Variants in MCC observed in about 807,000 individuals in gnomAD.
MCC encodes the protein MCC regulator of Wnt signaling pathway, also known as colorectal mutant cancer protein.
MCC carries 90 observed loss-of-function variants against 116.2 expected under a neutral mutation model. That is an observed-to-expected ratio of 0.77 (90% CI 0.65 to 0.92). The LOEUF is 0.92. MCC is among the 40% of genes least tolerant of loss of function. MCC has a pLI of 0.00. For synonymous variants in MCC, 578 were observed against 510.5 expected, an observed-to-expected ratio of 1.13 and a Z score of -1.78; for missense variants, 1,516 against 1,312.2, an observed-to-expected ratio of 1.16 and a Z score of -2.40.
At chr5:113,039,893 A>T (rs1751582337) in intron 17 of MCC, among the ~76,000 whole-genome samples, 1 of 152,182 alleles carries the variant, frequency 6.6e-6, no homozygotes, top group African/African-American at 2.4e-5. Context: ...TCCCTTATTT[A>T]GCTGCCTTTT....
chr5:113,417,462 G>C (rs1270922406), intron 1 of MCC, among the ~76,000 whole-genome samples: 1 of 152,230 alleles, frequency 6.6e-6, no homozygotes, highest in Non-Finnish European at 1.5e-5. Context: ...TAAGAGGTCA[G>C]TGATTTCCCT....
intron 8 of MCC, among the ~76,000 whole-genome samples, chr5:113,093,300 T>C (rs1755770429): frequency 6.6e-6 from 1 of 152,128 alleles, no homozygotes; most frequent in African/African-American, 2.4e-5. Flanking sequence ...CCAGGCATGG[T>C]GGTGCGCACC....
At chr5:113,058,002 G>T (rs1302306267) in intron 14 of MCC, among the ~76,000 whole-genome samples, 2 of 152,088 alleles carry the variant, frequency 1.3e-5, no homozygotes, top group African/African-American at 2.4e-5. Context: ...TGTAAACCTG[G>T]GACACAGGGT....
intron 1 of MCC, among the ~76,000 whole-genome samples, chr5:113,444,792 C>T (rs1008161420): frequency 6.6e-6 from 1 of 152,134 alleles, no homozygotes; most frequent in African/African-American, 2.4e-5. Flanking sequence ...TATTGAAGGC[C>T]TTGCATCAGT....
Position 113,385,045 on chromosome 5 carries a change from G to A in MCC, c.338C>T (p.Ala113Val), listed in dbSNP as rs1769220331. ...EIRKEEVDLS[A>V]KSDNSCTKKL... ...CTTTGTACAGGAGTTGTCTGACTTT[G>A]CAGAAAGATCTACTTCCTCCTTCCT... Residue 113 changes from alanine to valine, a missense_variant, in exon 2 of 19, where the codon GCA (alanine) becomes GTA (valine). Coordinates refer to ENST00000408903, the MANE Select transcript of MCC (RefSeq NM_001085377.2). 1 of 1,614,030 alleles carries A rather than the reference G, an allele frequency of 6.2e-7. No homozygotes were observed. The highest frequency in any genetic ancestry group is 1.7e-5 in the Admixed American group (1 of 60,010).
intron 17 of MCC, among the ~76,000 whole-genome samples, chr5:113,030,289 T>G (rs1001078699): frequency 2.6e-5 from 4 of 152,110 alleles, no homozygotes; most frequent in African/African-American, 9.7e-5. Context: ...TAGGCATTGG[T>G]TACAATAATG....
chr5:113,184,903 G>A (rs576331562), intron 3 of MCC, among the ~76,000 whole-genome samples: 1 of 152,316 alleles, frequency 6.6e-6, no homozygotes, highest in Admixed American at 6.5e-5. Flanking sequence ...GACACACACT[G>A]TGCAGTGGGA....
At chr5:113,045,093 G>A (rs1447686374) in intron 16 of MCC, among the ~76,000 whole-genome samples, 2 of 152,172 alleles carry the variant, frequency 1.3e-5, no homozygotes, top group Non-Finnish European at 2.9e-5. Flanking sequence ...GGAATCTGTT[G>A]AGATTCCCAC....
At chr5:113,485,096 G>C (rs552123810) in intron 1 of MCC, among the ~76,000 whole-genome samples, 36 of 152,266 alleles carry the variant, frequency 2.4e-4, no homozygotes, top group African/African-American at 7.9e-4. Flanking sequence ...CAAGAATCTA[G>C]TTAGCTGATG....
intron 3 of MCC, among the ~76,000 whole-genome samples, chr5:113,291,382 T>C (rs749669376): frequency 6.6e-6 from 1 of 152,210 alleles, no homozygotes; most frequent in Non-Finnish European, 1.5e-5. Context: ...TTGATTAAAC[T>C]CACTCTCTAG....
rs755023053 is a variant in MCC, at chr5:113,028,919, T to C, written c.2879+15A>G. On this transcript the variant is annotated intron_variant, in intron 18 of 18. Transcript: ENST00000408903. The stretch of plus-strand genomic sequence containing the variant: ...GGTGGAGGGCGGTGGGGGCTGGGTA[T>C]AGGGAGATTTTTACCTGTTGGCCCG... 6.2e-7 allele frequency: 1 copy of C among 1,612,546 alleles called. No homozygotes were observed. The highest frequency in any genetic ancestry group is 2.2e-5 in the East Asian group (1 of 44,786).
rs371464761 is a variant in MCC at position 113,276,695 on chromosome 5, C to T, written c.627+63824G>A. The stretch of plus-strand genomic sequence containing the variant: ...AGGCTGGAGTACAGTGGTACAATCT[C>T]GGCTCACTGGGGCCTCGACTTTCCA... On this transcript the variant is annotated intron_variant, in intron 3 of 18. Coordinates refer to ENST00000408903, the MANE Select transcript of MCC (RefSeq NM_001085377.2). Among the ~76,000 whole-genome samples, 9 of 152,236 alleles carry T rather than the reference C, an allele frequency of 5.9e-5. No homozygotes were observed. In the East Asian group the frequency reaches 1.2e-3, roughly 20 times the overall value.
At chr5:113,099,893 C>G (rs563046527) in intron 8 of MCC, among the ~76,000 whole-genome samples, 1 of 152,344 alleles carries the variant, frequency 6.6e-6, no homozygotes, top group African/African-American at 2.4e-5. Flanking sequence ...ACAAAACATG[C>G]ACCATCAGAA....
chr5:113,030,651 T>G (rs1278418134), intron 17 of MCC, among the ~76,000 whole-genome samples: 1 of 152,128 alleles, frequency 6.6e-6, no homozygotes, highest in Non-Finnish European at 1.5e-5. Context: ...GCACTCCAGC[T>G]TGGGTGACGG....
chr5:113,387,703 T>C (rs963898644), intron 1 of MCC, among the ~76,000 whole-genome samples: 3 of 152,214 alleles, frequency 2.0e-5, no homozygotes, highest in African/African-American at 4.8e-5. Context: ...CTTTCATAAA[T>C]TGATATGTCA....
rs573434405 is a variant in MCC, at chr5:113,471,905, T to C, written c.170+16340A>G. Among the ~76,000 whole-genome samples the C allele has an allele frequency of 1.2e-3, 178 of 152,088 alleles. 2 individuals are homozygous for C. The highest frequency in any genetic ancestry group is 4.2e-3 in the African/African-American group (173 of 41,522). ...GCCTTGCTGCCGCCTTGCAGTTTGATCTCAGACTGCTGTGGTAGCAATGAG... is the reference window on the plus strand; with the variant it reads ...GCCTTGCTGCCGCCTTGCAGTTTGACCTCAGACTGCTGTGGTAGCAATGAG... On this transcript the variant is annotated intron_variant, in intron 1 of 18. Coordinates refer to ENST00000408903, the MANE Select transcript of MCC (RefSeq NM_001085377.2).
intron 3 of MCC, among the ~76,000 whole-genome samples, chr5:113,173,587 G>C (rs1761181589): frequency 6.6e-6 from 1 of 152,178 alleles, no homozygotes; most frequent in Non-Finnish European, 1.5e-5. Flanking sequence ...CCCCCAATCA[G>C]TGTAATCATG....
intron 17 of MCC, among the ~76,000 whole-genome samples, chr5:113,036,621 A>C (rs990992915): frequency 1.3e-5 from 2 of 152,078 alleles, no homozygotes; most frequent in Non-Finnish European, 2.9e-5. Context: ...TTTTTTGCCC[A>C]GACTTTGCTA....
intron 3 of MCC, among the ~76,000 whole-genome samples, chr5:113,249,997 T>G (rs1764732792): frequency 6.6e-6 from 1 of 152,210 alleles, no homozygotes; most frequent in African/African-American, 2.4e-5. Context: ...TAATGCAGTA[T>G]TTCAGGAACC....
Sources: allele counts gnomAD v4.1 joint callset (sites outside exome capture counted in the v4.1 genomes callset), GRCh38; gene constraint gnomAD v4.1.1; transcripts MANE v1.5; gene names NCBI Gene and HGNC (gene_info 2026-07-23, HGNC 2026-07-21).